The following TCTN3 variants were observed in gnomAD, a reference collection of about 807,000 sequenced individuals.
TCTN3 encodes tectonic family member 3, also known as tectonic-3.
A neutral mutation model predicts 71.3 loss-of-function variants in TCTN3; 57 were observed. The ratio of observed to expected loss-of-function variants is 0.80; its 90% CI spans 0.65 to 1.00. The LOEUF (loss-of-function observed/expected upper bound fraction) is 1.00. TCTN3 is among the 50% of genes least tolerant of loss of function. The probability of loss-of-function intolerance (pLI) is 0.00; values close to 1 mark genes in which losing one functional copy is unlikely to be tolerated. For synonymous variants in TCTN3, 258 were observed against 267.8 expected, an observed-to-expected ratio of 0.96 and a Z score of 0.36; for missense variants, 696 against 719.9, an observed-to-expected ratio of 0.97 and a Z score of 0.38.
intron 13 of TCTN3, among the ~76,000 whole-genome samples, chr10:95,672,800 C>T (rs1315876847): frequency 6.8e-6 from 1 of 146,068 alleles, no homozygotes; most frequent in Admixed American, 7.1e-5. Flanking sequence ...TCAAGCAATT[C>T]TCGTGCCTCA....
chr10:95,682,897 T>C lies in TCTN3; in HGVS notation c.1299-93A>G, dbSNP rs2097944465. On this transcript the variant is annotated intron_variant, in intron 11 of 13. Transcript: ENST00000371217. The stretch of plus-strand genomic sequence containing the variant: ...ATGTTAAACCAAACATTGGAAATAA[T>C]ATAAAATAGACCAGAGGGTATAATC... 7 of 1,475,628 alleles carry C rather than the reference T, an allele frequency of 4.7e-6. No individual in the cohort carries two copies. The South Asian group carries it at 9.3e-5, about 20-fold the overall frequency. The allele number at this position is 1,475,628 out of a possible 1,614,324, so 91.4% of individuals were successfully genotyped here.
At position 95,663,664 on chromosome 10, in the gene TCTN3, G is replaced by A. The variant is rs2097923605; in HGVS notation, c.*403C>T. 5.2e-6 allele frequency: 1 copy of A among 190,506 alleles called. No homozygotes were observed. Among genetic ancestry groups the A allele is most frequent in the African/African-American group, 2.3e-5 (1 of 42,560 alleles). 11.8% of individuals were successfully genotyped at this position (190,506 alleles called of 1,614,324 possible). A position where few individuals can be genotyped will look rare whatever the true frequency, so the allele number is the denominator to read the frequency against. ...TAGCTCCTCTACAGTCCAGAGGGAA[G>A]CTATTCCTGAGTTCATTCAAGGTGA... On this transcript the variant is annotated 3_prime_UTR_variant, in exon 14 of 14. Transcript: ENST00000371217.
chr10:95,687,210 T>C (rs1320683618), intron 5 of TCTN3, 37 bp downstream of exon 5: 4 of 1,612,570 alleles, frequency 2.5e-6, no homozygotes, highest in Admixed American at 3.3e-5. Flanking sequence ...CTGTTTTAAA[T>C]TGAATGAAAA....
At chr10:95,686,116 T>A (rs1432543476) in intron 7 of TCTN3, among the ~76,000 whole-genome samples, 1 of 152,200 alleles carries the variant, frequency 6.6e-6, no homozygotes, top group African/African-American at 2.4e-5. Flanking sequence ...TAGTCCCAGC[T>A]ACTTGGGAGG....
In TCTN3 at chr10:95,684,846, C is replaced by T. The variant is rs12357173; in HGVS notation, c.970-222G>A. Among the ~76,000 whole-genome samples the T allele has an allele frequency of 0.26, 40,081 of 151,850 alleles. 6,156 individuals carry two copies. The highest frequency in any genetic ancestry group is 0.38 in the Admixed American group (5,747 of 15,250). On this transcript the variant is annotated intron_variant, in intron 8 of 13. Transcript: ENST00000371217. ...GGATAGAGCTCTTTAAAAGGGTTCACGGGTAGGTGAGTTTTTGGTAGGAAC... is the reference window on the plus strand; with the variant it reads ...GGATAGAGCTCTTTAAAAGGGTTCATGGGTAGGTGAGTTTTTGGTAGGAAC...
intron 13 of TCTN3, among the ~76,000 whole-genome samples, chr10:95,678,553 A>AG (rs1241436906): frequency 6.6e-6 from 1 of 151,364 alleles, no homozygotes; most frequent in East Asian, 1.9e-4. Context: ...AAAAAAAAAA[A>AG]ATTTCACAAG....
chr10:95,668,163 T>C (rs929267880), intron 13 of TCTN3, among the ~76,000 whole-genome samples: 3 of 148,102 alleles, frequency 2.0e-5, no homozygotes, highest in African/African-American at 7.5e-5. Flanking sequence ...GAATCTTTTT[T>C]AGGAAGAACA....
At chr10:95,688,411 A>G (rs1485159240) in intron 3 of TCTN3, among the ~76,000 whole-genome samples, 4 of 122,440 alleles carry the variant, frequency 3.3e-5, no homozygotes, top group Non-Finnish European at 5.3e-5. Flanking sequence ...AAAAAAAAAA[A>G]AAAAAAAGAA....
intron 13 of TCTN3, among the ~76,000 whole-genome samples, chr10:95,668,169 G>A (rs1438968314): frequency 8.2e-6 from 1 of 122,080 alleles, no homozygotes; most frequent in East Asian, 2.5e-4. Flanking sequence ...TTTTTAGGAA[G>A]AACAAAAAGA....
chr10:95,679,580 T>C (rs1007348018), intron 13 of TCTN3, among the ~76,000 whole-genome samples: 3 of 138,560 alleles, frequency 2.2e-5, no homozygotes, highest in Non-Finnish European at 4.6e-5. Context: ...GACCTAGTCA[T>C]TTCTTTTTTT....
At chr10:95,677,620 A>C (rs1393210147) in intron 13 of TCTN3, among the ~76,000 whole-genome samples, 2 of 152,090 alleles carry the variant, frequency 1.3e-5, no homozygotes, top group South Asian at 2.1e-4. Flanking sequence ...TTACAATGAA[A>C]AATCATTCAG....
intron 3 of TCTN3, 49 bp from the exon 4 acceptor site, chr10:95,687,768 C>T (rs1436445747): frequency 1.3e-6 from 2 of 1,571,838 alleles, no homozygotes; most frequent in East Asian, 2.2e-5. Context: ...GAAAAACATG[C>T]CAAGTAACTA....
intron 13 of TCTN3, 55 bp from the exon 14 acceptor site, chr10:95,664,355 T>A: frequency 7.0e-7 from 1 of 1,431,618 alleles, no homozygotes; most frequent in Non-Finnish European, 9.8e-7. Flanking sequence ...CATATAGCAC[T>A]CTAACTTGGC....
intron 9 of TCTN3, among the ~76,000 whole-genome samples, chr10:95,684,008 C>T (rs2097945837): frequency 6.6e-6 from 1 of 152,014 alleles, no homozygotes; most frequent in Non-Finnish European, 1.5e-5. Flanking sequence ...CAGAGATGAG[C>T]TCTGAGAGAC....
chr10:95,665,742 G>C (rs971787005), intron 13 of TCTN3, among the ~76,000 whole-genome samples: 1 of 152,038 alleles, frequency 6.6e-6, no homozygotes, highest in Non-Finnish European at 1.5e-5. Context: ...AATGAAGGAG[G>C]GTGAATGAAG....
chr10:95,668,342 G>A (rs2139700315), intron 13 of TCTN3, among the ~76,000 whole-genome samples: 1 of 150,748 alleles, frequency 6.6e-6, no homozygotes, highest in East Asian at 2.0e-4. Context: ...TCTCAGAACT[G>A]AGTTTCAGAG....
intron 7 of TCTN3, 93 bp downstream of exon 7, chr10:95,686,402 T>A: frequency 7.5e-7 from 1 of 1,334,156 alleles, no homozygotes; most frequent in East Asian, 2.3e-5. Flanking sequence ...CGCTTACATT[T>A]ATCTTTCAAC....
intron 2 of TCTN3, 95 bp from the exon 3 acceptor site, chr10:95,693,133 A>G (rs1017034936): frequency 1.7e-6 from 2 of 1,199,228 alleles, no homozygotes; most frequent in Non-Finnish European, 2.4e-6. Flanking sequence ...GATGCCAAAG[A>G]GGACTCCTTG....
chr10:95,683,502 C>T lies in TCTN3; in HGVS notation c.1203+20G>A, dbSNP rs772081563. ...TTTCTCATTAGGCTGCAACAGGCCA[C>T]CCAGCTCTAAAAAGGATACTGAGTA... On this transcript the variant is annotated intron_variant, in intron 10 of 13. Coordinates refer to ENST00000371217, the MANE Select transcript of TCTN3 (RefSeq NM_015631.6). 3 of 1,614,098 alleles carry T rather than the reference C, an allele frequency of 1.9e-6. No individual in the cohort carries two copies. The East Asian group carries it at 6.7e-5, about 36-fold the overall frequency.
Sources: allele counts gnomAD v4.1 joint callset (sites outside exome capture counted in the v4.1 genomes callset), GRCh38; gene constraint gnomAD v4.1.1; transcripts MANE v1.5; gene names NCBI Gene and HGNC (gene_info 2026-07-23, HGNC 2026-07-21).